The following MB21D2 variants were observed in gnomAD, a reference collection of about 807,000 sequenced individuals.
The protein encoded by MB21D2 is Mab-21 domain containing 2, also known as nucleotidyltransferase MB21D2.
A neutral mutation model predicts 33.3 loss-of-function variants in MB21D2; 9 were observed. The observed-to-expected ratio is 0.27, with a 90% CI of 0.16 to 0.47. The LOEUF is 0.47. Among genes scored for constraint, MB21D2 ranks in the 20% least tolerant of loss-of-function variants. The probability of loss-of-function intolerance (pLI) is 0.99; values close to 1 mark genes in which losing one functional copy is unlikely to be tolerated. For synonymous variants in MB21D2, 241 were observed against 236.3 expected, an observed-to-expected ratio of 1.02 and a Z score of -0.18; for missense variants, 540 against 624.6, an observed-to-expected ratio of 0.86 and a Z score of 1.44.
At chr3:192,847,958 C>T (rs1002448967) in intron 1 of MB21D2, among the ~76,000 whole-genome samples, 1 of 152,168 alleles carries the variant, frequency 6.6e-6, no homozygotes, top group African/African-American at 2.4e-5. Flanking sequence ...ATGAACTGTA[C>T]ATGCTCAAAA....
At chr3:192,890,780 G>A (rs573869958) in intron 1 of MB21D2, among the ~76,000 whole-genome samples, 33 of 152,086 alleles carry the variant, frequency 2.2e-4, no homozygotes, top group Non-Finnish European at 4.3e-4. Context: ...ACGTCATAAC[G>A]ATCCTCCTCA....
intron 1 of MB21D2, among the ~76,000 whole-genome samples, chr3:192,875,420 T>C (rs529028299): frequency 1.9e-3 from 294 of 152,330 alleles, no homozygotes; most frequent in African/African-American, 6.4e-3. Flanking sequence ...GATTGCCACA[T>C]GGATGCGTAG....
At chr3:192,801,072 A>C (rs554236194) in intron 1 of MB21D2, among the ~76,000 whole-genome samples, 1 of 152,332 alleles carries the variant, frequency 6.6e-6, no homozygotes. Flanking sequence ...GCAGGTATAG[A>C]AGACTCCGTG....
chr3:192,810,621 C>T lies in MB21D2; in HGVS notation c.212-10971G>A, dbSNP rs181225369. On this transcript the variant is annotated intron_variant, in intron 1 of 1. Transcript: ENST00000392452. Reference sequence around the variant, plus strand: ...AGTAGATATAATAGTAAAATAAATTCCCATGTATCCATCACCTAACTTCAA... The same window carrying T: ...AGTAGATATAATAGTAAAATAAATTTCCATGTATCCATCACCTAACTTCAA... Among the ~76,000 whole-genome samples the T allele has an allele frequency of 6.6e-4, 101 of 152,252 alleles. 1 individual carries two copies. Among genetic ancestry groups the T allele is most frequent in the Admixed American group, 6.5e-3 (100 of 15,290 alleles).
At chr3:192,839,097 G>C (rs1232458030) in intron 1 of MB21D2, among the ~76,000 whole-genome samples, 1 of 152,152 alleles carries the variant, frequency 6.6e-6, no homozygotes, top group Non-Finnish European at 1.5e-5. Context: ...GGGTGGATTG[G>C]GAGGCAAGGA....
chr3:192,884,716 A>G (rs1713694875), intron 1 of MB21D2, among the ~76,000 whole-genome samples: 1 of 152,078 alleles, frequency 6.6e-6, no homozygotes, highest in African/African-American at 2.4e-5. Flanking sequence ...AGAAAATCTG[A>G]GGCTGAATGG....
chr3:192,873,732 C>T (rs996208603), intron 1 of MB21D2, among the ~76,000 whole-genome samples: 10 of 152,160 alleles, frequency 6.6e-5, no homozygotes, highest in African/African-American at 2.4e-4. Context: ...GAGTCAGAAT[C>T]TCGCTCTGTC....
At chr3:192,828,103 T>A (rs1016747669) in intron 1 of MB21D2, among the ~76,000 whole-genome samples, 1 of 152,122 alleles carries the variant, frequency 6.6e-6, no homozygotes, top group African/African-American at 2.4e-5. Context: ...TCCCCAGCCA[T>A]GTGGAACTGT....
intron 1 of MB21D2, among the ~76,000 whole-genome samples, chr3:192,916,744 G>T (rs538477793): frequency 6.6e-6 from 1 of 152,212 alleles, no homozygotes; most frequent in Non-Finnish European, 1.5e-5. Flanking sequence ...CCTTTACACA[G>T]CATTCAATCA....
chr3:192,883,017 GC>G, intron 1 of MB21D2, among the ~76,000 whole-genome samples: 1 of 152,092 alleles, frequency 6.6e-6, no homozygotes, highest in East Asian at 1.9e-4. Context: ...ACAGGCATGA[GC>G]CACCACGCCC....
chr3:192,914,683 C>T (rs531236083), intron 1 of MB21D2, among the ~76,000 whole-genome samples: 1 of 152,222 alleles, frequency 6.6e-6, no homozygotes, highest in South Asian at 2.1e-4. Context: ...AGAAGTGAAT[C>T]TAGACAATTG....
chr3:192,816,875 TA>T (rs34663778), intron 1 of MB21D2, among the ~76,000 whole-genome samples: 57,233 of 150,004 alleles, frequency 0.38, 11,256 homozygotes, highest in East Asian at 0.61. Context: ...GTTTCCCCAT[TA>T]AAAAAAAAAT....
intron 1 of MB21D2, among the ~76,000 whole-genome samples, chr3:192,903,816 A>G (rs1003712629): frequency 6.6e-6 from 1 of 152,152 alleles, no homozygotes; most frequent in Admixed American, 6.6e-5. Flanking sequence ...TGGTCATTTA[A>G]AAGTATGGGG....
At chr3:192,884,654 A>G (rs973766095) in intron 1 of MB21D2, among the ~76,000 whole-genome samples, 1 of 152,070 alleles carries the variant, frequency 6.6e-6, no homozygotes, top group Non-Finnish European at 1.5e-5. Flanking sequence ...GGCGTGAGCC[A>G]TCGCACCCGG....
chr3:192,849,784 A>G (rs1180030459), intron 1 of MB21D2, among the ~76,000 whole-genome samples: 1 of 152,232 alleles, frequency 6.6e-6, no homozygotes, highest in Non-Finnish European at 1.5e-5. Context: ...TAAAGACAGC[A>G]AAAGTCCTTT....
chr3:192,800,250 A>G (rs1711527736), intron 1 of MB21D2, among the ~76,000 whole-genome samples: 1 of 151,684 alleles, frequency 6.6e-6, no homozygotes, highest in African/African-American at 2.4e-5. Context: ...ACACTGTTTG[A>G]CTTTTTTTTT....
At chr3:192,904,909 A>C (rs1714173687) in intron 1 of MB21D2, among the ~76,000 whole-genome samples, 1 of 152,132 alleles carries the variant, frequency 6.6e-6, no homozygotes, top group Non-Finnish European at 1.5e-5. Context: ...CGCAGCTCTG[A>C]CCTAGGTGGA....
chr3:192,859,733 A>T (rs1712996665), intron 1 of MB21D2, among the ~76,000 whole-genome samples: 2 of 152,250 alleles, frequency 1.3e-5, no homozygotes, highest in Admixed American at 1.3e-4. Flanking sequence ...TTTGTGAAGA[A>T]GACACCATTT....
intron 1 of MB21D2, among the ~76,000 whole-genome samples, chr3:192,838,428 CTTT>C (rs55769534): frequency 1.3e-4 from 16 of 124,120 alleles, no homozygotes; most frequent in African/African-American, 2.8e-4. Flanking sequence ...AATCTGTGGA[CTTT>C]TTTTTTTTTT....
Sources: allele counts gnomAD v4.1 joint callset (sites outside exome capture counted in the v4.1 genomes callset), GRCh38; gene constraint gnomAD v4.1.1; transcripts MANE v1.5; gene names NCBI Gene and HGNC (gene_info 2026-07-23, HGNC 2026-07-21).